Variants in PAPPA2 observed in about 807,000 individuals in gnomAD.
PAPPA2 encodes pappalysin-2.
In PAPPA2, 86 loss-of-function variants were observed where a neutral mutation model predicts 176.4. The observed-to-expected ratio is 0.49, with a 90% CI of 0.41 to 0.58. PAPPA2 has a LOEUF of 0.58. Ranked by LOEUF, PAPPA2 falls within the 20% of genes least tolerant of loss-of-function variation. The pLI is 0.00. For missense variants in PAPPA2, 2,073 were observed against 2,256.9 expected (o/e 0.92, Z 1.65); for synonymous variants, 809 against 852.2 (o/e 0.95, Z 0.88).
chr1:176,733,454 A>G (rs180843021), intron 12 of PAPPA2, among the ~76,000 whole-genome samples: 434 of 152,170 alleles, frequency 2.9e-3, no homozygotes, highest in African/African-American at 9.8e-3. Context: ...GTGGGTCAAT[A>G]GTTTATTCTG....
chr1:176,595,423 T>C lies in PAPPA2; in HGVS notation c.1819T>C (p.Tyr607His). 1 of 1,614,160 alleles carries C rather than the reference T, an allele frequency of 6.2e-7. No homozygotes were observed. The highest frequency in any genetic ancestry group is 8.5e-7 in the Non-Finnish European group (1 of 1,180,022). ...DPECEHPLTG[Y>H]DGGDCRLQGR... ...CGAGTGTGAGCACCCACTCACAGGC[T>C]ATGATGGGGGTGACTGCCGCCTGCA... is the stretch of plus-strand genomic sequence containing the variant. The change falls in exon 3 of 23, where the codon TAT becomes CAT. Residue 607 changes from tyrosine to histidine, a missense_variant. By Grantham distance (83) the Tyr-to-His change is moderately conservative. This residue lies in a region of PAPPA2 where 1,196 missense variants were observed against 1,330.4 expected (regional missense o/e 0.90). Coordinates refer to ENST00000367662, the MANE Select transcript of PAPPA2 (RefSeq NM_020318.3).
intron 21 of PAPPA2, among the ~76,000 whole-genome samples, chr1:176,803,724 C>T (rs1048335868): frequency 2.6e-5 from 4 of 152,204 alleles, no homozygotes; most frequent in African/African-American, 9.6e-5. Context: ...ATTGCTAATA[C>T]AGGGTTCTTT....
chr1:176,730,693 T>C (rs886694212), intron 12 of PAPPA2, among the ~76,000 whole-genome samples: 2 of 151,948 alleles, frequency 1.3e-5, no homozygotes, highest in African/African-American at 4.8e-5. Context: ...TTTTTCTAGG[T>C]TTTGGTGTTG....
intron 1 of PAPPA2, among the ~76,000 whole-genome samples, chr1:176,522,021 T>G (rs548489513): frequency 1.3e-5 from 2 of 152,250 alleles, no homozygotes; most frequent in South Asian, 4.2e-4. Flanking sequence ...TTACTATGAA[T>G]TTCTAGGGGA....
intron 12 of PAPPA2, among the ~76,000 whole-genome samples, chr1:176,738,518 T>C (rs1662522975): frequency 6.6e-6 from 1 of 152,128 alleles, no homozygotes; most frequent in Admixed American, 6.5e-5. Flanking sequence ...GGCCCTGTCA[T>C]TAGATGTTGT....
rs1419871118 is a variant in PAPPA2 at position 176,842,745 on chromosome 1, C to T, written c.*291C>T. 2 of 348,528 alleles carry T rather than the reference C, an allele frequency of 5.7e-6. No homozygotes were observed. Among genetic ancestry groups the T allele is most frequent in the African/African-American group, 4.3e-5 (2 of 46,898 alleles). The allele number at this position is 348,528 out of a possible 1,614,324, so 21.6% of individuals were successfully genotyped here. A position where few individuals can be genotyped will look rare whatever the true frequency, so the allele number is the denominator to read the frequency against. ...AGGACCCTCCTCCCTCACTTATATT[C>T]TATTAAATCCTATCCTCAACTCTTG... On this transcript the variant is annotated 3_prime_UTR_variant, in exon 23 of 23. Coordinates refer to ENST00000367662, the MANE Select transcript of PAPPA2 (RefSeq NM_020318.3).
chr1:176,794,223 A>G (rs1052195099), intron 20 of PAPPA2, among the ~76,000 whole-genome samples: 1 of 152,226 alleles, frequency 6.6e-6, no homozygotes, highest in Non-Finnish European at 1.5e-5. Flanking sequence ...AACATATCGA[A>G]GTAGCAACTG....
rs1416220846 is a variant in PAPPA2, at chr1:176,801,586, CA to C, written c.5202+1455del. 3.3e-5 allele frequency among the ~76,000 whole-genome samples: 5 copies of C among 152,032 alleles called. No homozygotes were observed. The East Asian group carries it at 9.7e-4, about 29-fold the overall frequency. ...CTGCCATCATTAGAAAAACAGATGG[CA>C]GTGGGGTGGGGACGCGGGAGAGAGA... On this transcript the variant is annotated intron_variant, in intron 21 of 22. Transcript: ENST00000367662.
At chr1:176,522,761 A>C (rs1649282092) in intron 1 of PAPPA2, among the ~76,000 whole-genome samples, 1 of 152,134 alleles carries the variant, frequency 6.6e-6, no homozygotes, top group Non-Finnish European at 1.5e-5. Context: ...GGTGCCCTTT[A>C]GGGTGTTGTT....
chr1:176,671,860 A>T (rs1659023311), intron 4 of PAPPA2, among the ~76,000 whole-genome samples: 1 of 138,740 alleles, frequency 7.2e-6, no homozygotes, highest in African/African-American at 2.7e-5. Context: ...GAATTGAACA[A>T]TGAGAACACA....
At chr1:176,609,433 T>C (rs966023386) in intron 3 of PAPPA2, among the ~76,000 whole-genome samples, 19 of 96,940 alleles carry the variant, frequency 2.0e-4, no homozygotes, top group Non-Finnish European at 3.8e-4. Context: ...CAGTGGTAAG[T>C]GCTAGAGAAG....
intron 2 of PAPPA2, among the ~76,000 whole-genome samples, chr1:176,575,006 C>A (rs1006802688): frequency 1.3e-5 from 2 of 152,140 alleles, no homozygotes; most frequent in Non-Finnish European, 2.9e-5. Flanking sequence ...GACAAAATTG[C>A]CTAATGACAC....
chr1:176,635,830 TG>T (rs1656668232), intron 3 of PAPPA2, among the ~76,000 whole-genome samples: 1 of 152,154 alleles, frequency 6.6e-6, no homozygotes, highest in Non-Finnish European at 1.5e-5. Context: ...TTTTTTTGTG[TG>T]GTACATAGTT....
At chr1:176,646,875 A>C (rs902449945) in intron 3 of PAPPA2, among the ~76,000 whole-genome samples, 3 of 151,580 alleles carry the variant, frequency 2.0e-5, no homozygotes, top group Non-Finnish European at 4.4e-5. Context: ...TAAACATGGG[A>C]GTGCAGATAT....
chr1:176,729,298 T>TA, intron 12 of PAPPA2, among the ~76,000 whole-genome samples: 1 of 152,092 alleles, frequency 6.6e-6, no homozygotes, highest in Non-Finnish European at 1.5e-5. Flanking sequence ...TTCTAGACAT[T>TA]ACGTGATTCT....
intron 12 of PAPPA2, among the ~76,000 whole-genome samples, chr1:176,713,273 A>G (rs908671705): frequency 6.6e-6 from 1 of 151,944 alleles, no homozygotes; most frequent in African/African-American, 2.4e-5. Flanking sequence ...CTCCCATCTC[A>G]GCCTCCCAAG....
intron 1 of PAPPA2, among the ~76,000 whole-genome samples, chr1:176,551,150 G>A (rs1009323839): frequency 6.6e-6 from 1 of 152,314 alleles, no homozygotes; most frequent in Admixed American, 6.5e-5. Context: ...CCGAAAGATA[G>A]AGCCCGACTC....
chr1:176,766,422 G>C (rs554977474), intron 15 of PAPPA2, among the ~76,000 whole-genome samples: 4 of 152,106 alleles, frequency 2.6e-5, no homozygotes, highest in African/African-American at 9.7e-5. Flanking sequence ...AGATTAACAG[G>C]GTGACTCAGG....
chr1:176,818,180 C>G (rs888544973), intron 21 of PAPPA2, among the ~76,000 whole-genome samples: 2 of 152,178 alleles, frequency 1.3e-5, no homozygotes, highest in Non-Finnish European at 2.9e-5. Context: ...GAGTGGAAAA[C>G]AGTTCATGGA....
Sources: gnomAD v4.1 joint callset for allele counts (sites outside exome capture counted in the v4.1 genomes callset) on GRCh38, gnomAD v4.1.1 for gene constraint, gnomAD v4.1.1 regional missense constraint, MANE v1.5 for transcripts, NCBI Gene and HGNC (gene_info 2026-07-23, HGNC 2026-07-21) for gene names.